Variants in RBM6 observed in about 807,000 individuals in gnomAD.
RBM6 encodes RNA binding motif protein 6, also known as RNA-binding protein 6.
In RBM6, 23 loss-of-function variants were observed where a neutral mutation model predicts 140.4. The observed-to-expected ratio is 0.16, with a 90% CI of 0.12 to 0.23. RBM6 has a LOEUF of 0.23. Ranked by LOEUF, RBM6 falls within the 10% of genes least tolerant of loss-of-function variation. The pLI is 1.00. For synonymous variants in RBM6, 439 were observed against 475.6 expected, an observed-to-expected ratio of 0.92 and a Z score of 1.00; for missense variants, 1,139 against 1,386.7, an observed-to-expected ratio of 0.82 and a Z score of 2.84.
intron 15 of RBM6, among the ~76,000 whole-genome samples, chr3:50,062,339 A>G (rs1283696022): frequency 6.6e-6 from 1 of 152,090 alleles, no homozygotes; most frequent in Admixed American, 6.6e-5. Flanking sequence ...CCCTGTCTCT[A>G]CTAAAAATAC....
chr3:49,971,340 G>C (rs571555631), intron 3 of RBM6, among the ~76,000 whole-genome samples: 2 of 150,888 alleles, frequency 1.3e-5, no homozygotes, highest in Non-Finnish European at 3.0e-5. Context: ...AACTACTTGG[G>C]AGGCTGAGGC....
chr3:49,974,982 C>T (rs1025684600), intron 4 of RBM6, among the ~76,000 whole-genome samples: 26 of 151,848 alleles, frequency 1.7e-4, no homozygotes, highest in East Asian at 1.9e-4. Context: ...CCACCACGCC[C>T]GGTCTCTCCT....
intron 5 of RBM6, among the ~76,000 whole-genome samples, chr3:49,995,892 A>G (rs1447868737): frequency 1.3e-5 from 2 of 152,164 alleles, no homozygotes; most frequent in African/African-American, 4.8e-5. Context: ...GTAAAATTAC[A>G]TTTGGGAAAT....
At chr3:49,995,293 C>T (rs904046786) in intron 5 of RBM6, among the ~76,000 whole-genome samples, 5 of 152,036 alleles carry the variant, frequency 3.3e-5, no homozygotes, top group African/African-American at 7.2e-5. Context: ...AGGCCGGGTG[C>T]GGTGGCTCAC....
chr3:49,951,447 C>T (rs866495133), intron 1 of RBM6, among the ~76,000 whole-genome samples: 8 of 151,638 alleles, frequency 5.3e-5, no homozygotes, highest in East Asian at 1.9e-4. Flanking sequence ...AGGCTGGTCT[C>T]GAACTCCTGA....
At position 49,968,653 on chromosome 3, in the gene RBM6, G is replaced by A. The variant is rs371586476; in HGVS notation, c.1228G>A (p.Asp410Asn). 6.2e-7 allele frequency: 1 copy of A among 1,613,988 alleles called. No individual in the cohort carries two copies. Among genetic ancestry groups the A allele is most frequent in the African/African-American group, 1.3e-5 (1 of 74,896 alleles). ...CAGAAGCATGGAGTACCGTGATGTG[G>A]ATCATAGGCTGCCAGGAAGCCAGAT... The part of the protein sequence containing the change: ...DYRSMEYRDV[D>N]HRLPGSQMFG... Residue 410 changes from aspartate to asparagine, a missense_variant, in exon 3 of 21, where the codon GAT becomes AAT. Asp to Asn is a conservative substitution (Grantham distance 23). This residue lies in a region of RBM6 where 566 missense variants were observed against 612.7 expected (regional missense o/e 0.92). Transcript: ENST00000266022.
chr3:49,968,161 G>T lies in RBM6; in HGVS notation c.736G>T (p.Asp246Tyr). ...RGRGSGTTDL[D>Y]FRDRDTPHSD... ...CCGAGGTTCAGGTACTACTGATCTA[G>T]ACTTTAGGGACAGGGATACGCCACA... The change falls in exon 3 of 21, where the codon GAC becomes TAC. Residue 246 changes from aspartate to tyrosine, a missense_variant. By Grantham distance (160) the Asp-to-Tyr change is radical. Coordinates refer to ENST00000266022, the MANE Select transcript of RBM6 (RefSeq NM_005777.3). The T allele has an allele frequency of 6.2e-7, 1 of 1,614,182 alleles. No homozygotes were observed. Among genetic ancestry groups the T allele is most frequent in the Non-Finnish European group, 8.5e-7 (1 of 1,180,046 alleles).
At position 50,015,431 on chromosome 3, in the gene RBM6, A is replaced by ATTAT. The variant is rs1424920277; in HGVS notation, c.1557+15920_1557+15921insATTT. Among the ~76,000 whole-genome samples, 14 of 145,852 alleles carry ATTAT rather than the reference A, an allele frequency of 9.6e-5. No individual in the cohort carries two copies. In the East Asian group the frequency reaches 1.2e-3, roughly 13 times the overall value. On this transcript the variant is annotated intron_variant, in intron 6 of 20. Coordinates refer to ENST00000266022, the MANE Select transcript of RBM6 (RefSeq NM_005777.3). ...AAATTTTTATTTTATTATTATTATT[A>ATTAT]TTTTTTTTTTTTTTTTTGAGATGGA...
intron 6 of RBM6, among the ~76,000 whole-genome samples, chr3:50,002,678 C>T (rs1459639607): frequency 2.0e-5 from 3 of 152,074 alleles, no homozygotes; most frequent in South Asian, 2.1e-4. Context: ...ATGACACGCA[C>T]GAGTCACCGT....
At position 50,061,448 on chromosome 3, in the gene RBM6, C is replaced by A. The variant is rs1224156492; in HGVS notation, c.2354-14C>A. On this transcript the variant is annotated splice_polypyrimidine_tract_variant and intron_variant, in intron 13 of 20. Transcript: ENST00000266022. ...GACAGAGACTAACATTGGCTCTGAT[C>A]TTGTTACCTTTAGCATCATCTGACT... 2 of 1,585,192 alleles carry A rather than the reference C, an allele frequency of 1.3e-6. No homozygotes were observed. The highest frequency in any genetic ancestry group is 2.8e-5 in the African/African-American group (2 of 72,602).
intron 17 of RBM6, 115 bp downstream of exon 17, chr3:50,066,617 C>T: frequency 7.6e-7 from 1 of 1,319,084 alleles, no homozygotes; most frequent in Non-Finnish European, 1.0e-6. Context: ...TGCCTGGGCT[C>T]AGAAGTACAA....
At chr3:49,949,070 C>T (rs2108578261) in intron 1 of RBM6, among the ~76,000 whole-genome samples, 1 of 151,186 alleles carries the variant, frequency 6.6e-6, no homozygotes, top group South Asian at 2.1e-4. Context: ...ACCTTGTGAT[C>T]CGCTGGCCTC....
intron 6 of RBM6, among the ~76,000 whole-genome samples, chr3:50,006,704 G>A (rs947362945): frequency 3.3e-5 from 5 of 151,472 alleles, no homozygotes; most frequent in East Asian, 2.0e-4. Context: ...AGGCCAAGAC[G>A]GGCGGATCAC....
At chr3:50,024,054 A>C (rs1375041130) in intron 6 of RBM6, among the ~76,000 whole-genome samples, 1 of 152,200 alleles carries the variant, frequency 6.6e-6, no homozygotes, top group Non-Finnish European at 1.5e-5. Context: ...CTTAAGATAA[A>C]CTTCCCATAA....
At chr3:50,015,357 C>G (rs757438314) in intron 6 of RBM6, among the ~76,000 whole-genome samples, 1 of 151,192 alleles carries the variant, frequency 6.6e-6, no homozygotes, top group Non-Finnish European at 1.5e-5. Flanking sequence ...CTGCCCGCCT[C>G]AGCCTCCCAA....
chr3:50,021,985 G>A (rs966431177), intron 6 of RBM6, among the ~76,000 whole-genome samples: 2 of 151,150 alleles, frequency 1.3e-5, no homozygotes, highest in Admixed American at 6.6e-5. Context: ...GGGAGGTCAA[G>A]GCTGCAGTGA....
chr3:49,947,277 GT>G (rs1204003060), intron 1 of RBM6, among the ~76,000 whole-genome samples: 26 of 21,826 alleles, frequency 1.2e-3, no homozygotes, highest in South Asian at 3.6e-3. Context: ...GGGGGGGGGG[GT>G]TTTGAGCTGG....
intron 19 of RBM6, 176 bp from the exon 20 acceptor site, chr3:50,075,025 G>A (rs1267922476): frequency 1.4e-5 from 9 of 654,864 alleles, no homozygotes; most frequent in African/African-American, 1.3e-4. Flanking sequence ...GTGTGGTGGC[G>A]GGCACCTGCA....
At chr3:49,940,971 A>G (rs555657582) in intron 1 of RBM6, 1 of 130,618 alleles carries the variant, frequency 7.7e-6, no homozygotes, top group Admixed American at 9.2e-5. Context: ...TTTTTTGCAT[A>G]TTCCAGGTTT....
Sources: allele counts gnomAD v4.1 joint callset (sites outside exome capture counted in the v4.1 genomes callset), GRCh38; gene constraint gnomAD v4.1.1; regional missense constraint gnomAD v4.1.1; transcripts MANE v1.5; gene names NCBI Gene and HGNC (gene_info 2026-07-23, HGNC 2026-07-21).